MYO1G: variants seen among roughly 807,000 people sequenced by gnomAD.
The protein encoded by MYO1G is unconventional myosin-Ig.
MYO1G carries 65 observed loss-of-function variants against 115.3 expected under a neutral mutation model. The observed-to-expected ratio is 0.56, with a 90% confidence interval of 0.46 to 0.69. The LOEUF is 0.69. MYO1G is among the 30% of genes least tolerant of loss of function. The probability of loss-of-function intolerance (pLI) is 0.00; values close to 1 mark genes in which losing one functional copy is unlikely to be tolerated. For missense variants in MYO1G, 1,204 were observed against 1,393.5 expected (o/e 0.86, Z 2.16); for synonymous variants, 510 against 552.6 (o/e 0.92, Z 1.08).
At chr7:44,965,530 A>C (rs1219865224) in intron 17 of MYO1G, 107 bp downstream of exon 17, 4 of 1,055,598 alleles carry the variant, frequency 3.8e-6, no homozygotes, top group Non-Finnish European at 5.7e-6. Flanking sequence ...CCACCTATCA[A>C]GGGGGCTGGT....
intron 5 of MYO1G, chr7:44,972,549 C>T (rs1363754554): frequency 2.0e-5 from 7 of 352,422 alleles, no homozygotes; most frequent in Admixed American, 8.0e-5. Flanking sequence ...CAGTGGGTAG[C>T]TCAGAGTATG....
rs1336583811 is a variant in MYO1G at position 44,966,817 on chromosome 7, T to C, written c.1804A>G (p.Ile602Val). Residue 602 changes from isoleucine to valine, a missense_variant, in exon 15 of 22, where the codon ATC becomes GTC. Ile to Val is a conservative substitution (Grantham distance 29). Transcript: ENST00000258787. The surrounding 1 kb of genome is among the most constrained non-coding windows in gnomAD (Gnocchi z 5.0). ...GCTACCTTGTCCTCATTGGGCTTGA[T>C]GCAGCGGACGTAGAAGGGCTCCTGC... ...ASKEPFYVRCIKPNEDKVAGK... is the reference protein window; with the variant it reads ...ASKEPFYVRCVKPNEDKVAGK... 2 of 1,611,158 alleles carry C rather than the reference T, an allele frequency of 1.2e-6. No homozygotes were observed. The highest frequency in any genetic ancestry group is 1.7e-6 in the Non-Finnish European group (2 of 1,178,226).
chr7:44,963,210 C>T lies in MYO1G; in HGVS notation c.2746-86G>A, dbSNP rs1436168539. On this transcript the variant is annotated intron_variant, in intron 20 of 21. Coordinates refer to ENST00000258787, the MANE Select transcript of MYO1G (RefSeq NM_033054.3). The surrounding 1 kb of genome is among the most constrained non-coding windows in gnomAD (Gnocchi z 4.1). ...TCACCCCCTCCCCAGGAAGCCTCTG[C>T]CGAACCCCCAACCGCACCCGGGGAG... is the stretch of plus-strand genomic sequence containing the variant. 10 of 1,367,808 alleles carry T rather than the reference C, an allele frequency of 7.3e-6. No homozygotes were observed. Among genetic ancestry groups the T allele is most frequent in the Non-Finnish European group, 8.5e-6 (9 of 1,063,660 alleles). The allele number at this position is 1,367,808 out of a possible 1,614,324, so 84.7% of individuals were successfully genotyped here.
At chr7:44,972,388 TC>T in intron 5 of MYO1G, 163 bp from the exon 6 acceptor site, 1 of 611,570 alleles carries the variant, frequency 1.6e-6, no homozygotes, top group Non-Finnish European at 3.0e-6. Flanking sequence ...GCCAGCAAGC[TC>T]CCCATTCAGC....
Position 44,963,693 on chromosome 7 carries a change from G to C in MYO1G, c.2745+356C>G, listed in dbSNP as rs1583782715. On this transcript the variant is annotated intron_variant, in intron 20 of 21. Coordinates refer to ENST00000258787, the MANE Select transcript of MYO1G (RefSeq NM_033054.3). This position sits in a 1 kb window ranked among gnomAD's most constrained non-coding sequence, Gnocchi z 4.1. ...CGGCAGAAGGTTCCGGAGTGGCCGG[G>C]ACGGTATCCCACAGGAGGCCCAGAA... 1 of 277,124 alleles carries C rather than the reference G, an allele frequency of 3.6e-6. No individual in the cohort carries two copies. Among genetic ancestry groups the C allele is most frequent in the Non-Finnish European group, 6.9e-6 (1 of 145,940 alleles). 17.2% of individuals were successfully genotyped at this position (277,124 alleles called of 1,614,324 possible).
At position 44,963,798 on chromosome 7, in the gene MYO1G, T is replaced by C. The variant is rs1794790744; in HGVS notation, c.2745+251A>G. 2.0e-6 allele frequency: 1 copy of C among 491,320 alleles called. No individual in the cohort carries two copies. Among genetic ancestry groups the C allele is most frequent in the African/African-American group, 1.9e-5 (1 of 51,418 alleles). The allele number at this position is 491,320 out of a possible 1,614,324, so 30.4% of individuals were successfully genotyped here. A position where few individuals can be genotyped will look rare whatever the true frequency, so the allele number is the denominator to read the frequency against. The stretch of plus-strand genomic sequence containing the variant: ...GCACAAGTTGGAAGAGGGGACCATT[T>C]GGCTTGGCTAGAGTGTGAGAGTGGG... On this transcript the variant is annotated intron_variant, in intron 20 of 21. Transcript: ENST00000258787. This position sits in a 1 kb window ranked among gnomAD's most constrained non-coding sequence, Gnocchi z 4.1.
chr7:44,967,890 T>C lies in MYO1G; in HGVS notation c.1643A>G (p.Tyr548Cys), dbSNP rs766410449. The change falls in exon 13 of 22, where the codon TAC becomes TGC. Residue 548 changes from tyrosine to cysteine, a missense_variant. Tyr to Cys is a radical substitution (Grantham distance 194, BLOSUM62 -2). Transcript: ENST00000258787. The stretch of plus-strand genomic sequence containing the variant: ...CCCAGCAAGCCGTGCTCACCTGTTG[T>C]ACAGCAGCCGCTTGAAGTCCTGGAA... ...FLFQDFKRLL[Y>C]NSTDPTLRAM... The C allele has an allele frequency of 6.2e-7, 1 of 1,613,976 alleles. No individual in the cohort carries two copies. The highest frequency in any genetic ancestry group is 1.1e-5 in the South Asian group (1 of 91,070).
In MYO1G at chr7:44,962,838, C is replaced by A. The variant is rs193204319; in HGVS notation, c.2958G>T (p.Gly986=). ...GCTCCACGGAGATGAGGCGCCGGAC[C>A]CCGCGATGGCTTAGTGGGATGCAGT... ...VSDCIPLSHR[G]VRRLISVEPR... The change falls in exon 22 of 22, where the codon GGG becomes GGT. Residue 986 remains glycine, a synonymous_variant. Coordinates refer to ENST00000258787, the MANE Select transcript of MYO1G (RefSeq NM_033054.3). This position sits in a 1 kb window ranked among gnomAD's most constrained non-coding sequence, Gnocchi z 5.3. 554 of 1,513,034 alleles carry A rather than the reference C, an allele frequency of 3.7e-4. 2 individuals are homozygous for A. In the East Asian group the frequency reaches 9.5e-3, roughly 26 times the overall value. The allele number at this position is 1,513,034 out of a possible 1,614,324, so 93.7% of individuals were successfully genotyped here. A position where few individuals can be genotyped will look rare whatever the true frequency, so the allele number is the denominator to read the frequency against.
rs560917803 is a variant in MYO1G at position 44,964,363 on chromosome 7, C to T, written c.2631+52G>A. ...CTGCACCAGCTTCTAACCTTGCAGA[C>T]GTGGCTAGAAAAAGAGCACAGCCCT... On this transcript the variant is annotated intron_variant, in intron 19 of 21. Transcript: ENST00000258787. The surrounding 1 kb of genome is among the most constrained non-coding windows in gnomAD (Gnocchi z 5.1). The T allele has an allele frequency of 1.7e-5, 26 of 1,544,546 alleles. No homozygotes were observed. Among genetic ancestry groups the T allele is most frequent in the South Asian group, 1.6e-4 (14 of 89,716 alleles).
rs12536361 is a variant in MYO1G, at chr7:44,978,637, C to T, written c.95+230G>A. Among the ~76,000 whole-genome samples the T allele has an allele frequency of 2.8e-3, 428 of 152,330 alleles. 7 individuals carry two copies. Among genetic ancestry groups the T allele is most frequent in the Admixed American group, 0.025 (379 of 15,310 alleles). Reference sequence around the variant, plus strand: ...GGTGGGTTGAGGTGGTGGGCAGCTCCGGTGCTGACTTGCCAGCCCTGACAG... The same window carrying T: ...GGTGGGTTGAGGTGGTGGGCAGCTCTGGTGCTGACTTGCCAGCCCTGACAG... On this transcript the variant is annotated intron_variant, in intron 1 of 21. Transcript: ENST00000258787.
In MYO1G at chr7:44,963,941, C is replaced by A; in HGVS notation, c.2745+108G>T. ...CACCATCGCTGAGTTTTAGGATGGTCTGGGCCATCTCAGGTAAACAGGGGA... is the reference window on the plus strand; with the variant it reads ...CACCATCGCTGAGTTTTAGGATGGTATGGGCCATCTCAGGTAAACAGGGGA... On this transcript the variant is annotated intron_variant, in intron 20 of 21. Transcript: ENST00000258787. This position sits in a 1 kb window ranked among gnomAD's most constrained non-coding sequence, Gnocchi z 4.1. 2.2e-6 allele frequency: 2 copies of A among 924,336 alleles called. No individual in the cohort carries two copies. The highest frequency in any genetic ancestry group is 1.7e-6 in the Non-Finnish European group (1 of 597,822). The allele number at this position is 924,336 out of a possible 1,614,324, so 57.3% of individuals were successfully genotyped here. A position where few individuals can be genotyped will look rare whatever the true frequency, so the allele number is the denominator to read the frequency against.
In MYO1G at chr7:44,971,006, C is replaced by T. The variant is rs1481084032; in HGVS notation, c.900G>A (p.Leu300=). 16 of 1,613,334 alleles carry T rather than the reference C, an allele frequency of 9.9e-6. No individual in the cohort carries two copies. Among genetic ancestry groups the T allele is most frequent in the Non-Finnish European group, 1.4e-5 (16 of 1,180,000 alleles). Residue 300 remains leucine (L), a synonymous_variant, in exon 8 of 22, where the codon CTG becomes CTA. Coordinates refer to ENST00000258787, the MANE Select transcript of MYO1G (RefSeq NM_033054.3). ...TEEGGLQKEG[L]AVAEEALVDH... Reference sequence around the variant, plus strand: ...CCACCAGTGCCTCCTCGGCCACTGCCAGGCCCTCCTTCTGCAGCCCACCCT... The same window carrying T: ...CCACCAGTGCCTCCTCGGCCACTGCTAGGCCCTCCTTCTGCAGCCCACCCT...
chr7:44,963,302 G>A lies in MYO1G; in HGVS notation c.2746-178C>T, dbSNP rs1794782531. 1.6e-6 allele frequency: 1 copy of A among 638,682 alleles called. No individual in the cohort carries two copies. The highest frequency in any genetic ancestry group is 2.2e-5 in the South Asian group (1 of 45,296). 39.6% of individuals were successfully genotyped at this position (638,682 alleles called of 1,614,324 possible). Reference sequence around the variant, plus strand: ...CTCCCTCTCGGGGCCCTGCTGACAGGGGGAAGCTTGGGCGGGACGCTGCAC... The same window carrying A: ...CTCCCTCTCGGGGCCCTGCTGACAGAGGGAAGCTTGGGCGGGACGCTGCAC... On this transcript the variant is annotated intron_variant, in intron 20 of 21. Transcript: ENST00000258787. The surrounding 1 kb of genome is among the most constrained non-coding windows in gnomAD (Gnocchi z 4.1).
In MYO1G at chr7:44,964,554, G is replaced by A. The variant is rs1794806145; in HGVS notation, c.2527-35C>T. The A allele has an allele frequency of 6.5e-7, 1 of 1,541,502 alleles. No homozygotes were observed. The highest frequency in any genetic ancestry group is 9.0e-7 in the Non-Finnish European group (1 of 1,114,568). Reference sequence around the variant, plus strand: ...GATGGAGGGGAGGGGGCGCTGCTTGGGATTGAGTCATGGGACCAGACTCAA... The same window carrying A: ...GATGGAGGGGAGGGGGCGCTGCTTGAGATTGAGTCATGGGACCAGACTCAA... On this transcript the variant is annotated intron_variant, in intron 18 of 21. Transcript: ENST00000258787. The surrounding 1 kb of genome is among the most constrained non-coding windows in gnomAD (Gnocchi z 5.1).
In MYO1G at chr7:44,964,890, G is replaced by A; in HGVS notation, c.2526+55C>T. The stretch of plus-strand genomic sequence containing the variant: ...GACCTGGTCACAGCATTAGCCGAGA[G>A]CCCTCTTTGGCAGCCCACTTCCCCC... On this transcript the variant is annotated intron_variant, in intron 18 of 21. Transcript: ENST00000258787. This position sits in a 1 kb window ranked among gnomAD's most constrained non-coding sequence, Gnocchi z 5.1. 1 of 1,561,500 alleles carries A rather than the reference G, an allele frequency of 6.4e-7. No homozygotes were observed. The highest frequency in any genetic ancestry group is 1.2e-5 in the South Asian group (1 of 85,556).
chr7:44,965,891 G>C (rs1332788948), intron 16 of MYO1G, 31 bp from the exon 17 acceptor site: 1 of 1,591,994 alleles, frequency 6.3e-7, no homozygotes, highest in South Asian at 1.1e-5. Flanking sequence ...GGGATACGCA[G>C]TCAAATTCAA....
chr7:44,966,405 C>T lies in MYO1G; in HGVS notation c.1950-125G>A. 1.1e-6 allele frequency: 1 copy of T among 909,326 alleles called. No individual in the cohort carries two copies. Among genetic ancestry groups the T allele is most frequent in the Non-Finnish European group, 1.7e-6 (1 of 577,122 alleles). The allele number at this position is 909,326 out of a possible 1,614,324, so 56.3% of individuals were successfully genotyped here. On this transcript the variant is annotated intron_variant, in intron 15 of 21. Coordinates refer to ENST00000258787, the MANE Select transcript of MYO1G (RefSeq NM_033054.3). This position sits in a 1 kb window ranked among gnomAD's most constrained non-coding sequence, Gnocchi z 5.0. ...GTGTGTTCCTGGAGCACTTATGACA[C>T]CTGTGCACATATGTCTTCCCATACA...
At position 44,967,645 on chromosome 7, in the gene MYO1G, T is replaced by C. The variant is rs1794870697; in HGVS notation, c.1742A>G (p.Lys581Arg). The C allele has an allele frequency of 6.2e-7, 1 of 1,613,882 alleles. No homozygotes were observed. The highest frequency in any genetic ancestry group is 8.5e-7 in the Non-Finnish European group (1 of 1,180,028). Residue 581 changes from lysine (K) to arginine (R), a missense_variant, in exon 14 of 22, where the codon AAG (lysine) becomes AGG (arginine). Coordinates refer to ENST00000258787, the MANE Select transcript of MYO1G (RefSeq NM_033054.3). ...CTCCACCAGGGCCACCATGGAGTTCTTGAAGAGTGTGCCAGCCGTCAGGGG... is the reference window on the plus strand; with the variant it reads ...CTCCACCAGGGCCACCATGGAGTTCCTGAAGAGTGTGCCAGCCGTCAGGGG... ...KRPLTAGTLF[K>R]NSMVALVENL...
chr7:44,965,241 G>T, intron 17 of MYO1G, 152 bp from the exon 18 acceptor site: 1 of 1,174,772 alleles, frequency 8.5e-7, no homozygotes, highest in Non-Finnish European at 1.2e-6. Context: ...GGCCCCTTGT[G>T]CCTAACGCTT....
Sources: gnomAD v4.1 joint callset for allele counts (sites outside exome capture counted in the v4.1 genomes callset) on GRCh38, gnomAD v4.1.1 for gene constraint, Gnocchi (gnomAD v3.1) non-coding constraint, MANE v1.5 for transcripts, NCBI Gene and HGNC (gene_info 2026-07-23, HGNC 2026-07-21) for gene names.